Variants in SLC6A19 observed in about 807,000 individuals in gnomAD.
SLC6A19 encodes solute carrier family 6 member 19, also known as sodium-dependent neutral amino acid transporter B(0)AT1.
SLC6A19 carries 67 observed loss-of-function variants against 68.3 expected under a neutral mutation model. That is an observed-to-expected ratio of 0.98 (90% CI 0.81 to 1.20). The LOEUF is 1.20. Among genes scored for constraint, SLC6A19 ranks in the 50% most tolerant of loss-of-function variants. The pLI is 0.00. For missense variants in SLC6A19, 813 were observed against 851.6 expected, an observed-to-expected ratio of 0.95 and a Z score of 0.56; for synonymous variants, 392 against 374.9, an observed-to-expected ratio of 1.05 and a Z score of -0.53.
intron 1 of SLC6A19, among the ~76,000 whole-genome samples, chr5:1,205,122 C>T (rs73734051): frequency 0.048 from 7,365 of 152,232 alleles, 592 homozygotes; most frequent in African/African-American, 0.17. Context: ...TCTGCAGCGC[C>T]GCAGAGAGGC....
chr5:1,221,646 A>G (rs967450584), intron 11 of SLC6A19, 55 bp from the exon 12 acceptor site: 15 of 1,607,226 alleles, frequency 9.3e-6, no homozygotes, highest in Non-Finnish European at 1.3e-5. Flanking sequence ...TTTGCCTCAA[A>G]GTGAACCCCA....
At chr5:1,221,115 G>A (rs1240085641) in intron 10 of SLC6A19, 36 bp from the exon 11 acceptor site, 2 of 1,607,968 alleles carry the variant, frequency 1.2e-6, no homozygotes, top group African/African-American at 2.7e-5. Context: ...AAGCCCAGCT[G>A]GTAGCAGCAG....
chr5:1,212,576 T>TG lies in SLC6A19; in HGVS notation c.663+97dup. 6.6e-7 allele frequency: 1 copy of TG among 1,522,488 alleles called. No individual in the cohort carries two copies. Among genetic ancestry groups the TG allele is most frequent in the Non-Finnish European group, 9.0e-7 (1 of 1,117,076 alleles). 94.3% of individuals were successfully genotyped at this position (1,522,488 alleles called of 1,614,324 possible). A position where few individuals can be genotyped will look rare whatever the true frequency, so the allele number is the denominator to read the frequency against. On this transcript the variant is annotated intron_variant, in intron 4 of 11. Transcript: ENST00000304460. This position sits in a 1 kb window ranked among gnomAD's most constrained non-coding sequence, Gnocchi z 5.1. The stretch of plus-strand genomic sequence containing the variant: ...CCGGCTGCACTCTAAAACCCAGGTC[T>TG]GGGGGTCCCGGGCTCTGCCTTTCCC...
Position 1,221,156 on chromosome 5 carries a change from A to G in SLC6A19, c.1544A>G (p.Asn515Ser), listed in dbSNP as rs780778600. ...GCTGTCTCTGGCCTTGGCAGGTTCA[A>G]TAAGGACATCGAGTTCATGATCGGC... ...VVYVYGVDRF[N>S]KDIEFMIGHK... Residue 515 changes from asparagine (N) to serine (S), a missense_variant, in exon 11 of 12, where the codon AAT becomes AGT. Physicochemically the swap from Asn to Ser is conservative, Grantham distance 46 (BLOSUM62 1). Transcript: ENST00000304460. 17 of 1,613,696 alleles carry G rather than the reference A, an allele frequency of 1.1e-5. No homozygotes were observed. The highest frequency in any genetic ancestry group is 1.4e-5 in the Non-Finnish European group (17 of 1,179,878).
rs774213979 is a variant in SLC6A19, at chr5:1,222,216, TTG to T, written c.*317_*318del. 3.4e-6 allele frequency: 2 copies of T among 586,720 alleles called. No individual in the cohort carries two copies. The highest frequency in any genetic ancestry group is 6.1e-5 in the Admixed American group (2 of 32,758). The allele number at this position is 586,720 out of a possible 1,614,324, so 36.3% of individuals were successfully genotyped here. A position where few individuals can be genotyped will look rare whatever the true frequency, so the allele number is the denominator to read the frequency against. ...GTGTGTGCATGTACATGTATGGACA[TTG>T]TGTGAGTGTGCAAGTGTGCATGCAT... On this transcript the variant is annotated 3_prime_UTR_variant, in exon 12 of 12. Coordinates refer to ENST00000304460, the MANE Select transcript of SLC6A19 (RefSeq NM_001003841.3).
chr5:1,202,713 C>T (rs1407159263), intron 1 of SLC6A19, among the ~76,000 whole-genome samples: 1 of 152,170 alleles, frequency 6.6e-6, no homozygotes, highest in African/African-American at 2.4e-5. Context: ...AGGTCTCAGC[C>T]TCCGTTTAGA....
At position 1,206,421 on chromosome 5, in the gene SLC6A19, A is replaced by T. The variant is rs112820085; in HGVS notation, c.203-2325A>T. Among the ~76,000 whole-genome samples the T allele has an allele frequency of 8.6e-4, 69 of 80,046 alleles. No homozygotes were observed. The South Asian group carries it at 9.6e-3, about 11-fold the overall frequency. The allele number at this position is 80,046 out of a possible 152,430, so 52.5% of individuals were successfully genotyped here. The stretch of plus-strand genomic sequence containing the variant: ...CTCTCTGTCTCTGTCTCTCTGTGTC[A>T]CTGTCTCTGTGTGTGTCTCTGTCTC... On this transcript the variant is annotated intron_variant, in intron 1 of 11. Coordinates refer to ENST00000304460, the MANE Select transcript of SLC6A19 (RefSeq NM_001003841.3).
At chr5:1,204,708 T>C (rs12523598) in intron 1 of SLC6A19, among the ~76,000 whole-genome samples, 61,414 of 152,102 alleles carry the variant, frequency 0.4, 13,311 homozygotes, top group Non-Finnish European at 0.5. Context: ...AGTGATGGTG[T>C]CCGTGAGCGA....
intron 1 of SLC6A19, 71 bp from the exon 2 acceptor site, chr5:1,208,675 C>T (rs1254776759): frequency 1.9e-6 from 3 of 1,607,878 alleles, no homozygotes; most frequent in Non-Finnish European, 2.5e-6. Context: ...CTGTGAATGC[C>T]TGCTCCCGAG....
rs1745976213 is a variant in SLC6A19 at position 1,209,984 on chromosome 5, C to T, written c.344-460C>T. On this transcript the variant is annotated intron_variant, in intron 2 of 11. Coordinates refer to ENST00000304460, the MANE Select transcript of SLC6A19 (RefSeq NM_001003841.3). The surrounding 1 kb of genome is among the most constrained non-coding windows in gnomAD (Gnocchi z 5.5). ...ATGAGTCCTCCACAGGGAAGGCTTT[C>T]CTGAAGCCCACCCACCTGTCCTGGG... Among the ~76,000 whole-genome samples the T allele has an allele frequency of 6.6e-6, 1 of 152,270 alleles. No individual in the cohort carries two copies. The highest frequency in any genetic ancestry group is 2.1e-4 in the South Asian group (1 of 4,838).
At position 1,212,615 on chromosome 5, in the gene SLC6A19, G is replaced by A; in HGVS notation, c.663+131G>A. 1.7e-6 allele frequency: 2 copies of A among 1,202,574 alleles called. No homozygotes were observed. Among genetic ancestry groups the A allele is most frequent in the South Asian group, 2.6e-5 (2 of 77,108 alleles). The allele number at this position is 1,202,574 out of a possible 1,614,324, so 74.5% of individuals were successfully genotyped here. A position where few individuals can be genotyped will look rare whatever the true frequency, so the allele number is the denominator to read the frequency against. On this transcript the variant is annotated intron_variant, in intron 4 of 11. Transcript: ENST00000304460. This position sits in a 1 kb window ranked among gnomAD's most constrained non-coding sequence, Gnocchi z 5.1. ...TCTGCCTTTCCCCAGACCCCACCAA[G>A]AGAGCTGCCTTTGCCCTTAGGCTCA...
chr5:1,221,497 C>T (rs201934538), intron 11 of SLC6A19, among the ~76,000 whole-genome samples, 184 bp downstream of exon 11: 1 of 152,242 alleles, frequency 6.6e-6, no homozygotes, highest in East Asian at 1.9e-4. Flanking sequence ...CCCTCCCTGA[C>T]ACCAATGTGT....
intron 6 of SLC6A19, 74 bp from the exon 7 acceptor site, chr5:1,216,484 G>A: frequency 6.2e-7 from 1 of 1,607,740 alleles, no homozygotes; most frequent in African/African-American, 1.3e-5. Context: ...TGGGCGGGAT[G>A]CGGATGCTGC....
At chr5:1,210,319 G>A (rs1056822224) in intron 2 of SLC6A19, 125 bp from the exon 3 acceptor site, 12 of 1,416,556 alleles carry the variant, frequency 8.5e-6, no homozygotes, top group Middle Eastern at 2.0e-4. Flanking sequence ...CGGCCCCTCA[G>A]ATTCTGGAGT....
At chr5:1,203,170 G>A (rs955154850) in intron 1 of SLC6A19, among the ~76,000 whole-genome samples, 5 of 152,174 alleles carry the variant, frequency 3.3e-5, no homozygotes, top group Non-Finnish European at 7.3e-5. Context: ...CATGCCTCCT[G>A]GGAAGAGGAG....
At chr5:1,220,650 T>C (rs1746351723) in intron 10 of SLC6A19, among the ~76,000 whole-genome samples, 1 of 152,166 alleles carries the variant, frequency 6.6e-6, no homozygotes, top group Non-Finnish European at 1.5e-5. Context: ...ACCTGGACAC[T>C]GCAGGCCTGG....
intron 10 of SLC6A19, 66 bp from the exon 11 acceptor site, chr5:1,221,085 A>C: frequency 6.3e-7 from 1 of 1,581,476 alleles, no homozygotes; most frequent in Non-Finnish European, 8.6e-7. Flanking sequence ...AGCAGAACGT[A>C]CAGAAAGCTT....
intron 11 of SLC6A19, 38 bp from the exon 12 acceptor site, chr5:1,221,663 C>T: frequency 6.2e-7 from 1 of 1,611,898 alleles, no homozygotes; most frequent in Non-Finnish European, 8.5e-7. Context: ...CCCACTGGCT[C>T]CCGGGATGCC....
At position 1,216,884 on chromosome 5, in the gene SLC6A19, A is replaced by T. The variant is rs1429589854; in HGVS notation, c.1112A>T (p.Asp371Val). ...VDMQQRCNAS[D>V]PAAYAQLVFQ... ...ATGCAGCAGCGGTGCAACGCCTCCG[A>T]CCCCGCGGCCTACGCGCAGCTGGTG... The change falls in exon 8 of 12, where the codon GAC becomes GTC. Residue 371 changes from aspartate (D) to valine (V), a missense_variant. By Grantham distance (152) the Asp-to-Val change is radical (BLOSUM62 -3). Coordinates refer to ENST00000304460, the MANE Select transcript of SLC6A19 (RefSeq NM_001003841.3). 6.2e-7 allele frequency: 1 copy of T among 1,613,404 alleles called. No homozygotes were observed. Among genetic ancestry groups the T allele is most frequent in the Non-Finnish European group, 8.5e-7 (1 of 1,180,024 alleles).
Sources: gnomAD v4.1 joint callset for allele counts (sites outside exome capture counted in the v4.1 genomes callset) on GRCh38, gnomAD v4.1.1 for gene constraint, Gnocchi (gnomAD v3.1) non-coding constraint, MANE v1.5 for transcripts, NCBI Gene and HGNC (gene_info 2026-07-23, HGNC 2026-07-21) for gene names.